The following STT3B variants were observed in gnomAD, a reference collection of about 807,000 sequenced individuals.
STT3B encodes the protein STT3 oligosaccharyltransferase complex catalytic subunit B.
Under a neutral mutation model 96.8 loss-of-function variants are expected in STT3B, and 29 were observed. The observed-to-expected ratio is 0.30, with a 90% confidence interval of 0.22 to 0.41. The LOEUF is 0.41. STT3B is among the 10% of genes least tolerant of loss of function. The pLI is 1.00. For missense variants in STT3B, 640 were observed against 1,022.3 expected (o/e 0.63, Z 5.10); for synonymous variants, 367 against 360.0 (o/e 1.02, Z -0.22).
intron 1 of STT3B, among the ~76,000 whole-genome samples, chr3:31,544,713 C>T (rs1188814770): frequency 1.3e-5 from 2 of 152,160 alleles, no homozygotes; most frequent in African/African-American, 4.8e-5. Flanking sequence ...CCTATAATCC[C>T]AGCACTTGGG....
At chr3:31,546,794 A>G (rs1697423542) in intron 1 of STT3B, among the ~76,000 whole-genome samples, 2 of 152,206 alleles carry the variant, frequency 1.3e-5, no homozygotes, top group Admixed American at 6.5e-5. Context: ...AATTTGTTGC[A>G]GATATCTTAT....
intron 1 of STT3B, among the ~76,000 whole-genome samples, chr3:31,540,799 T>C (rs185356083): frequency 6.6e-6 from 1 of 152,314 alleles, no homozygotes; most frequent in East Asian, 1.9e-4. Flanking sequence ...TATCCACAGC[T>C]TAAATTATTG....
At chr3:31,543,317 C>T (rs992653827) in intron 1 of STT3B, among the ~76,000 whole-genome samples, 21 of 152,086 alleles carry the variant, frequency 1.4e-4, no homozygotes, top group African/African-American at 5.1e-4. Context: ...TGGTAAGGTA[C>T]TGTTATGATT....
chr3:31,576,257 G>T (rs2125451839), intron 1 of STT3B, 139 bp from the exon 2 acceptor site: 218 of 317,986 alleles, frequency 6.9e-4, no homozygotes, highest in Middle Eastern at 3.1e-3. Context: ...ATGTTCTTTT[G>T]ATATCTTCAG....
At chr3:31,564,325 A>T (rs1212738959) in intron 1 of STT3B, among the ~76,000 whole-genome samples, 1 of 152,214 alleles carries the variant, frequency 6.6e-6, no homozygotes, top group African/African-American at 2.4e-5. Context: ...TTTACTATAT[A>T]TACCAGGCAC....
chr3:31,628,342 G>A (rs777442896), intron 13 of STT3B, among the ~76,000 whole-genome samples: 7 of 152,116 alleles, frequency 4.6e-5, no homozygotes, highest in Non-Finnish European at 1.0e-4. Context: ...TTCCATGTTA[G>A]AATATGGAGA....
chr3:31,558,567 GATGTACTGTTGGATTTTGTTGAGAA>G (rs899259428), intron 1 of STT3B, among the ~76,000 whole-genome samples: 7 of 152,046 alleles, frequency 4.6e-5, no homozygotes, highest in African/African-American at 1.7e-4. Flanking sequence ...TTATCTTTTT[GATGTACTGTTGGATTTTGTTGAGAA>G]ATTTTGCATC....
chr3:31,625,382 T>C (rs934601577), intron 12 of STT3B, among the ~76,000 whole-genome samples: 4 of 152,238 alleles, frequency 2.6e-5, no homozygotes, highest in African/African-American at 9.6e-5. Context: ...GTATTTTTCG[T>C]GTTATAAACT....
At chr3:31,584,252 C>G (rs1698486153) in intron 3 of STT3B, among the ~76,000 whole-genome samples, 1 of 152,280 alleles carries the variant, frequency 6.6e-6, no homozygotes, top group African/African-American at 2.4e-5. Context: ...TTTCTGGACT[C>G]TCAATTCTGT....
chr3:31,597,898 C>T (rs1281678852), intron 4 of STT3B, among the ~76,000 whole-genome samples: 5 of 148,902 alleles, frequency 3.4e-5, no homozygotes, highest in East Asian at 2.0e-4. Flanking sequence ...TGCAGTGGTA[C>T]GATCTCGGCT....
At chr3:31,574,525 T>C (rs1698223420) in intron 1 of STT3B, among the ~76,000 whole-genome samples, 1 of 152,142 alleles carries the variant, frequency 6.6e-6, no homozygotes, top group South Asian at 2.1e-4. Flanking sequence ...CCTCGCTTTG[T>C]AAATACAATC....
Position 31,594,811 on chromosome 3 carries a change from C to G in STT3B, c.712-1987C>G, listed in dbSNP as rs191898737. Among the ~76,000 whole-genome samples the G allele has an allele frequency of 8.5e-4, 129 of 152,238 alleles. 1 individual carries two copies. Among genetic ancestry groups the G allele is most frequent in the African/African-American group, 3.0e-3 (123 of 41,536 alleles). ...TTGTTGGCTTATTATGAAAGATACC[C>G]TAAATTATACAGATAAACAGCCAGA... is the stretch of plus-strand genomic sequence containing the variant. On this transcript the variant is annotated intron_variant, in intron 3 of 15. Coordinates refer to ENST00000295770, the MANE Select transcript of STT3B (RefSeq NM_178862.3).
At position 31,617,052 on chromosome 3, in the gene STT3B, G is replaced by A. The variant is rs1446279934; in HGVS notation, c.1100G>A (p.Ser367Asn). 2 of 1,608,948 alleles carry A rather than the reference G, an allele frequency of 1.2e-6. No homozygotes were observed. The highest frequency in any genetic ancestry group is 1.7e-6 in the Non-Finnish European group (2 of 1,176,480). The change falls in exon 7 of 16, where the codon AGT becomes AAT. Residue 367 changes from serine to asparagine, a missense_variant. This residue lies in a region of STT3B where 267 missense variants were observed against 388.3 expected (regional missense o/e 0.69). Transcript: ENST00000295770. ...VSLAAGAVFL[S>N]VIYLTYTGYI... ...CTAGCTGCAGGTGCTGTGTTCCTTA[G>A]TGTCATCTATTTGACTTATACAGGT...
At chr3:31,605,113 T>C (rs1034138102) in intron 5 of STT3B, among the ~76,000 whole-genome samples, 1 of 152,180 alleles carries the variant, frequency 6.6e-6, no homozygotes, top group African/African-American at 2.4e-5. Context: ...AATAGCCAGA[T>C]AGACAAAAGA....
At chr3:31,547,560 T>G (rs1324017971) in intron 1 of STT3B, among the ~76,000 whole-genome samples, 2 of 151,996 alleles carry the variant, frequency 1.3e-5, no homozygotes, top group Non-Finnish European at 2.9e-5. Context: ...TCACAATAAT[T>G]GCATGAACCC....
At chr3:31,581,286 A>G (rs1383907457) in intron 3 of STT3B, among the ~76,000 whole-genome samples, 1 of 152,218 alleles carries the variant, frequency 6.6e-6, no homozygotes, top group Non-Finnish European at 1.5e-5. Context: ...CACCTAGCTC[A>G]GCTAAAAAAA....
At position 31,619,787 on chromosome 3, in the gene STT3B, C is replaced by T. The variant is rs1319785298; in HGVS notation, c.1284C>T (p.Gly428=). The change falls in exon 9 of 16, where the codon GGC becomes GGT. Residue 428 remains glycine (G), a synonymous_variant. Transcript: ENST00000295770. ...LHILVCTFPA[G]LWFCIKNIND... ...TTCTTGTATGTACCTTCCCAGCAGG[C>T]CTTTGGTTCTGCATCAAAAATATCA... 1.9e-6 allele frequency: 3 copies of T among 1,613,400 alleles called. No individual in the cohort carries two copies. Among genetic ancestry groups the T allele is most frequent in the Non-Finnish European group, 2.5e-6 (3 of 1,179,828 alleles).
chr3:31,540,490 A>G (rs932788474), intron 1 of STT3B, among the ~76,000 whole-genome samples: 2 of 151,978 alleles, frequency 1.3e-5, no homozygotes, highest in African/African-American at 2.4e-5. Context: ...TGCCTTACAG[A>G]TTTATTAGCT....
At chr3:31,617,864 A>G (rs978040173) in intron 7 of STT3B, 76 bp from the exon 8 acceptor site, 21 of 1,011,148 alleles carry the variant, frequency 2.1e-5, no homozygotes, top group African/African-American at 1.3e-4. Flanking sequence ...ATAATTAGCA[A>G]TAAACATAAA....
Sources: gnomAD v4.1 joint callset for allele counts (sites outside exome capture counted in the v4.1 genomes callset) on GRCh38, gnomAD v4.1.1 for gene constraint, gnomAD v4.1.1 regional missense constraint, MANE v1.5 for transcripts, NCBI Gene and HGNC (gene_info 2026-07-23, HGNC 2026-07-21) for gene names.